KRIT1: variants seen among roughly 807,000 people sequenced by gnomAD.
KRIT1 encodes the protein krev interaction trapped protein 1.
KRIT1 carries 45 observed loss-of-function variants against 95.8 expected under a neutral mutation model. The observed-to-expected ratio is 0.47, with a 90% CI of 0.37 to 0.60. KRIT1 has a LOEUF of 0.60. Among genes scored for constraint, KRIT1 ranks in the 20% least tolerant of loss-of-function variants. The pLI is 0.00. For missense variants in KRIT1, 788 were observed against 877.5 expected, an observed-to-expected ratio of 0.90 and a Z score of 1.29; for synonymous variants, 282 against 278.8, an observed-to-expected ratio of 1.01 and a Z score of -0.11.
chr7:92,233,858 C>T (rs1481750573), intron 10 of KRIT1, among the ~76,000 whole-genome samples: 1 of 152,084 alleles, frequency 6.6e-6, no homozygotes, highest in African/African-American at 2.4e-5. Flanking sequence ...ACAACTCAGC[C>T]CAACTGAGGG....
At chr7:92,199,052 C>T (rs536743310), downstream of KRIT1, 1 of 152,318 alleles carries the variant, frequency 6.6e-6, no homozygotes, top group East Asian at 1.9e-4. Context: ...CTGAAGTTCT[C>T]TGTAGACCAT....
In KRIT1 at chr7:92,229,896, G is replaced by GC. The variant is rs376718458; in HGVS notation, c.990-3215_990-3214insG. 2.1e-3 allele frequency among the ~76,000 whole-genome samples: 325 copies of GC among 152,150 alleles called. 4 individuals carry two copies. The highest frequency in any genetic ancestry group is 7.2e-3 in the African/African-American group (300 of 41,494). On this transcript the variant is annotated intron_variant, in intron 10 of 18. Coordinates refer to ENST00000394505, the MANE Select transcript of KRIT1 (RefSeq NM_194454.3). The stretch of plus-strand genomic sequence containing the variant: ...TAGTAGGCAACTTGAAACTACTTAG[G>GC]GGAAGGCAAAGGCTTAGAGTATCTA...
Position 92,226,541 on chromosome 7 carries a change from G to A in KRIT1, c.1131C>T (p.His377=), listed in dbSNP as rs755944667. The A allele has an allele frequency of 1.2e-6, 2 of 1,611,926 alleles. No homozygotes were observed. Among genetic ancestry groups the A allele is most frequent in the South Asian group, 2.2e-5 (2 of 91,048 alleles). Residue 377 remains histidine, a synonymous_variant, in exon 11 of 19, where the codon CAC becomes CAT. Coordinates refer to ENST00000394505, the MANE Select transcript of KRIT1 (RefSeq NM_194454.3). ...HAEIVQILLN[H]PETDRHITDQ... is the part of the protein sequence containing the mutation. ...AATAACTTACTCTATCCGTTTCTGG[G>A]TGGTTTAGGAGAATCTGTACTATTT... is the stretch of plus-strand genomic sequence containing the variant.
chr7:92,239,364 T>C (rs1799098490), intron 5 of KRIT1, among the ~76,000 whole-genome samples: 1 of 152,228 alleles, frequency 6.6e-6, no homozygotes, highest in Non-Finnish European at 1.5e-5. Flanking sequence ...TCTATAATGA[T>C]TTGTCAGCTC....
At chr7:92,213,833 C>T in intron 16 of KRIT1, 59 bp downstream of exon 16, 1 of 967,164 alleles carries the variant, frequency 1.0e-6, no homozygotes, top group South Asian at 1.3e-5. Flanking sequence ...ATATTTATAA[C>T]ACTAACAAAG....
At position 92,213,951 on chromosome 7, in the gene KRIT1, C is replaced by T. The variant is rs2131316594; in HGVS notation, c.1759G>A (p.Val587Ile). 1 of 1,609,668 alleles carries T rather than the reference C, an allele frequency of 6.2e-7. No individual in the cohort carries two copies. The part of the protein sequence containing the change: ...NEENLKSIVP[V>I]TKLKSKAPHW... ...GGTGCCTTACTTTTCAGTTTGGTAA[C>T]AGGTACGATGGATTTTAGATTTTCT... Residue 587 changes from valine to isoleucine, a missense_variant, in exon 16 of 19, where the codon GTT (valine) becomes ATT (isoleucine). Around this residue, in one of 3 missense-constraint regions of KRIT1, gnomAD observed 493 missense variants for 582.3 expected, o/e 0.85. Transcript: ENST00000394505.
chr7:92,239,697 T>A (rs1240992184), intron 5 of KRIT1, among the ~76,000 whole-genome samples: 1 of 151,536 alleles, frequency 6.6e-6, no homozygotes, highest in East Asian at 1.9e-4. Flanking sequence ...TCACAGATCA[T>A]ATGCAGGAAC....
At chr7:92,223,351 G>A (rs1335058611) in intron 12 of KRIT1, among the ~76,000 whole-genome samples, 22 of 150,070 alleles carry the variant, frequency 1.5e-4, no homozygotes, top group Admixed American at 1.3e-3. Flanking sequence ...AGGCTGAGGC[G>A]TGAGAATGGC....
In KRIT1 at chr7:92,234,588, G is replaced by A. The variant is rs374662170; in HGVS notation, c.850C>T (p.Arg284Ter). ...AGAGGAAAATCATCTACCCACTGTC[G>A]TTCCCTAATCATTAAAAAGAAATTT... ...SMSSVTEDKE[R>*]QWVDDFPLHR... Residue 284 changes from arginine to a stop codon, truncating the protein, a stop_gained, in exon 10 of 19, where the codon CGA (arginine) becomes TGA (stop). Coordinates refer to ENST00000394505, the MANE Select transcript of KRIT1 (RefSeq NM_194454.3). LOFTEE classifies it high-confidence loss of function. 5.0e-6 allele frequency: 8 copies of A among 1,612,272 alleles called. No homozygotes were observed. Among genetic ancestry groups the A allele is most frequent in the African/African-American group, 1.3e-5 (1 of 74,796 alleles).
chr7:92,240,944 C>T, intron 5 of KRIT1, 49 bp downstream of exon 5: 1 of 1,366,120 alleles, frequency 7.3e-7, no homozygotes, highest in Non-Finnish European at 1.0e-6. Flanking sequence ...AAGAATCTTT[C>T]TCCACAAGTA....
At chr7:92,221,003 T>C (rs1381733806) in intron 14 of KRIT1, among the ~76,000 whole-genome samples, 3 of 152,102 alleles carry the variant, frequency 2.0e-5, no homozygotes, top group African/African-American at 4.8e-5. Flanking sequence ...ATCCTTCTTA[T>C]GGCATTATGT....
At chr7:92,221,071 G>C (rs1034324290) in intron 14 of KRIT1, among the ~76,000 whole-genome samples, 3 of 152,118 alleles carry the variant, frequency 2.0e-5, no homozygotes, top group Admixed American at 6.5e-5. Context: ...TGTCTAGACA[G>C]ACTTCTTTTC....
At chr7:92,237,788 A>G (rs1051883004) in intron 5 of KRIT1, 29 bp from the exon 6 acceptor site, 2 of 1,102,894 alleles carry the variant, frequency 1.8e-6, no homozygotes, top group African/African-American at 3.1e-5. Flanking sequence ...TTAGCAAAAC[A>G]AAAATAATAC....
intron 10 of KRIT1, among the ~76,000 whole-genome samples, chr7:92,228,670 A>G (rs1398658255): frequency 2.6e-5 from 4 of 152,084 alleles, no homozygotes; most frequent in African/African-American, 9.7e-5. Flanking sequence ...GGTGTGTCGT[A>G]CAGATTATTT....
intron 17 of KRIT1, among the ~76,000 whole-genome samples, chr7:92,202,683 C>T (rs544456417): frequency 7.9e-5 from 12 of 152,108 alleles, no homozygotes; most frequent in African/African-American, 2.7e-4. Context: ...CCCGAGGTCA[C>T]GCTACTGCAC....
intron 4 of KRIT1, among the ~76,000 whole-genome samples, chr7:92,241,477 C>T (rs556851169): frequency 1.3e-5 from 2 of 152,124 alleles, no homozygotes; most frequent in South Asian, 4.1e-4. Flanking sequence ...AAAGGAAATG[C>T]TAGATAAATT....
At chr7:92,213,171 G>A (rs760510480) in intron 17 of KRIT1, 24 bp downstream of exon 17, 16 of 1,493,518 alleles carry the variant, frequency 1.1e-5, no homozygotes, top group Non-Finnish European at 1.4e-5. Context: ...TGACATGATT[G>A]GTAAAAAAGA....
rs1563244596 is a variant in KRIT1, at chr7:92,214,603, ATACT to A, written c.1730+4_1730+7del. ...AGCACAAGACCATGCATAATATTAA[ATACT>A]TACTTTAGGAAACCTTGCTTGTGTT... is the stretch of plus-strand genomic sequence containing the variant. On this transcript the variant is annotated splice_donor_5th_base_variant and intron_variant, in intron 15 of 18. Transcript: ENST00000394505. 6.3e-7 allele frequency: 1 copy of A among 1,598,214 alleles called. No homozygotes were observed. The highest frequency in any genetic ancestry group is 8.6e-7 in the Non-Finnish European group (1 of 1,165,802).
intron 14 of KRIT1, among the ~76,000 whole-genome samples, chr7:92,217,414 G>T (rs552378339): frequency 3.3e-5 from 5 of 152,192 alleles, no homozygotes; most frequent in Non-Finnish European, 7.4e-5. Flanking sequence ...TCTGCTAACT[G>T]GTAAGAACTT....
Sources: allele counts gnomAD v4.1 joint callset (sites outside exome capture counted in the v4.1 genomes callset), GRCh38; gene constraint gnomAD v4.1.1; regional missense constraint gnomAD v4.1.1; transcripts MANE v1.5; gene names NCBI Gene and HGNC (gene_info 2026-07-23, HGNC 2026-07-21).